The following TTC28 variants were observed in gnomAD, a reference collection of about 807,000 sequenced individuals.
TTC28 encodes tetratricopeptide repeat domain 28.
Under a neutral mutation model 198.0 loss-of-function variants are expected in TTC28, and 61 were observed. That is an observed-to-expected ratio of 0.31 (90% CI 0.25 to 0.38). The LOEUF (loss-of-function observed/expected upper bound fraction) is 0.38. Ranked by LOEUF, TTC28 falls within the 10% of genes least tolerant of loss-of-function variation. The pLI, the probability that TTC28 is intolerant of heterozygous loss-of-function variation, is 1.00. For synonymous variants in TTC28, 1,171 were observed against 1,297.8 expected (o/e 0.90, Z 2.10); for missense variants, 2,678 against 3,164.0 (o/e 0.85, Z 3.69).
Position 28,504,902 on chromosome 22 carries a change from T to A in TTC28, c.381+124650A>T, listed in dbSNP as rs552717491. Among the ~76,000 whole-genome samples, 439 of 152,212 alleles carry A rather than the reference T, an allele frequency of 2.9e-3. 2 individuals are homozygous for A. The highest frequency in any genetic ancestry group is 9.7e-3 in the African/African-American group (405 of 41,548). ...ATAGGTTCATTATACAATTCTTTTT[T>A]TATATATATTTGAAATTTTTCATAA... On this transcript the variant is annotated intron_variant, in intron 2 of 22. Transcript: ENST00000397906.
chr22:28,400,059 AT>A (rs1206499782), intron 2 of TTC28, among the ~76,000 whole-genome samples: 1 of 152,220 alleles, frequency 6.6e-6, no homozygotes, highest in Non-Finnish European at 1.5e-5. Context: ...ATTTTTATAT[AT>A]GCATTTTCAA....
chr22:28,117,963 AG>A, intron 6 of TTC28, among the ~76,000 whole-genome samples: 1 of 152,378 alleles, frequency 6.6e-6, no homozygotes, highest in East Asian at 1.9e-4. Context: ...TGTCACACAA[AG>A]GATAAATACT....
chr22:28,034,008 G>A (rs1455796334), intron 12 of TTC28, among the ~76,000 whole-genome samples: 1 of 152,168 alleles, frequency 6.6e-6, no homozygotes, highest in Non-Finnish European at 1.5e-5. Flanking sequence ...GGATGAGCAG[G>A]GGAGACAGCA....
At chr22:28,132,224 G>T (rs1321912550) in intron 6 of TTC28, among the ~76,000 whole-genome samples, 1 of 152,200 alleles carries the variant, frequency 6.6e-6, no homozygotes, top group Non-Finnish European at 1.5e-5. Context: ...TGTCCTGTTG[G>T]AGGCCATTAT....
At chr22:28,374,233 G>C (rs1310200820) in intron 2 of TTC28, among the ~76,000 whole-genome samples, 1 of 152,158 alleles carries the variant, frequency 6.6e-6, no homozygotes, top group Non-Finnish European at 1.5e-5. Flanking sequence ...TTTGAAGAAA[G>C]AATTGCCATT....
chr22:28,178,070 A>C (rs1923338787), intron 5 of TTC28, among the ~76,000 whole-genome samples: 1 of 152,164 alleles, frequency 6.6e-6, no homozygotes, highest in Non-Finnish European at 1.5e-5. Context: ...GGATATCAAT[A>C]ACAGGAGAAA....
chr22:28,027,034 A>G (rs1188752488), intron 13 of TTC28, among the ~76,000 whole-genome samples: 4 of 152,212 alleles, frequency 2.6e-5, no homozygotes, highest in Admixed American at 2.6e-4. Flanking sequence ...TCTTTTCTAC[A>G]GCAAATGTGA....
intron 7 of TTC28, among the ~76,000 whole-genome samples, 168 bp downstream of exon 7, chr22:28,106,894 G>A (rs998694257): frequency 6.6e-6 from 1 of 152,104 alleles, no homozygotes; most frequent in African/African-American, 2.4e-5. Context: ...TAACATAAGG[G>A]TAACAACATC....
At chr22:28,620,133 C>T (rs1569064531) in intron 2 of TTC28, among the ~76,000 whole-genome samples, 1 of 152,152 alleles carries the variant, frequency 6.6e-6, no homozygotes, top group Non-Finnish European at 1.5e-5. Context: ...AGGTGGATCA[C>T]GAGGTCAGGA....
chr22:28,098,859 CGCACCCGTGCGCACTAGT>C, intron 10 of TTC28, 38 bp downstream of exon 10: 1 of 1,525,238 alleles, frequency 6.6e-7, no homozygotes, highest in Non-Finnish European at 8.8e-7. Context: ...CACATGGACG[CGCACCCGTGCGCACTAGT>C]GCACACGTAA....
intron 12 of TTC28, among the ~76,000 whole-genome samples, chr22:28,039,230 T>C (rs929651337): frequency 3.9e-5 from 6 of 152,304 alleles, no homozygotes; most frequent in South Asian, 4.1e-4. Context: ...CGTATGTTTA[T>C]TGCGGCACTA....
chr22:28,517,430 T>G (rs758362442), intron 2 of TTC28, among the ~76,000 whole-genome samples: 3 of 152,130 alleles, frequency 2.0e-5, no homozygotes, highest in Non-Finnish European at 4.4e-5. Flanking sequence ...TCATTAAAGA[T>G]TTGGCATACC....
Position 28,368,309 on chromosome 22 carries a change from A to C in TTC28, c.382-61666T>G, listed in dbSNP as rs150245257. Among the ~76,000 whole-genome samples the C allele has an allele frequency of 1.9e-3, 287 of 152,230 alleles. 1 individual carries two copies. Among genetic ancestry groups the C allele is most frequent in the Non-Finnish European group, 2.8e-3 (187 of 67,946 alleles). ...AGGCCAAAATACATATGATCATTTC[A>C]ATTGATGCTGGAAAAGCATTTGATA... On this transcript the variant is annotated intron_variant, in intron 2 of 22. Transcript: ENST00000397906.
At chr22:28,593,500 G>A (rs921137943) in intron 2 of TTC28, among the ~76,000 whole-genome samples, 10 of 147,604 alleles carry the variant, frequency 6.8e-5, no homozygotes, top group Non-Finnish European at 1.5e-4. Flanking sequence ...TAGGTAGGTA[G>A]GTAGGTAGGT....
At chr22:28,645,762 A>C (rs1161610240) in intron 1 of TTC28, among the ~76,000 whole-genome samples, 1 of 152,156 alleles carries the variant, frequency 6.6e-6, no homozygotes, top group Admixed American at 6.6e-5. Flanking sequence ...CCATATGATC[A>C]TTTCAAAAGA....
At chr22:28,179,783 T>C (rs940507318) in intron 5 of TTC28, among the ~76,000 whole-genome samples, 2 of 152,196 alleles carry the variant, frequency 1.3e-5, no homozygotes, top group Non-Finnish European at 2.9e-5. Flanking sequence ...ATTGAGATTG[T>C]TATTACAGTA....
intron 5 of TTC28, among the ~76,000 whole-genome samples, chr22:28,201,068 G>T (rs1452179313): frequency 6.6e-6 from 1 of 152,148 alleles, no homozygotes; most frequent in Non-Finnish European, 1.5e-5. Context: ...CAACACATTA[G>T]AGTTGGATAG....
intron 18 of TTC28, 101 bp downstream of exon 18, chr22:27,993,186 T>C: frequency 9.1e-7 from 1 of 1,100,562 alleles, no homozygotes; most frequent in Non-Finnish European, 1.3e-6. Context: ...TGCTCCTAGC[T>C]GGGAGATCCA....
intron 20 of TTC28, 47 bp downstream of exon 20, chr22:27,990,742 G>C (rs764079780): frequency 6.7e-7 from 1 of 1,496,962 alleles, no homozygotes; most frequent in Non-Finnish European, 9.0e-7. Context: ...GGGTGGGTGG[G>C]TTGAGGGGCT....
Sources: gnomAD v4.1 joint callset for allele counts (sites outside exome capture counted in the v4.1 genomes callset) on GRCh38, gnomAD v4.1.1 for gene constraint, MANE v1.5 for transcripts, NCBI Gene and HGNC (gene_info 2026-07-23, HGNC 2026-07-21) for gene names.